The following UXS1 variants were observed in gnomAD, a reference collection of about 807,000 sequenced individuals.
UXS1 encodes the protein UDP-glucuronate decarboxylase 1.
In UXS1, 33 loss-of-function variants were observed where a neutral mutation model predicts 62.6. The observed-to-expected ratio is 0.53, with a 90% confidence interval of 0.40 to 0.70. UXS1 has a LOEUF of 0.70. Ranked by LOEUF, UXS1 falls within the 30% of genes least tolerant of loss-of-function variation. The pLI is 0.00. For synonymous variants in UXS1, 213 were observed against 206.8 expected (o/e 1.03, Z -0.26); for missense variants, 434 against 556.3 (o/e 0.78, Z 2.21).
intron 6 of UXS1, among the ~76,000 whole-genome samples, chr2:106,130,708 G>C (rs1164763541): frequency 6.6e-6 from 1 of 152,182 alleles, no homozygotes; most frequent in Admixed American, 6.5e-5. Flanking sequence ...GCCGGGAATG[G>C]AAGAGCTGAA....
intron 1 of UXS1, among the ~76,000 whole-genome samples, chr2:106,187,078 G>A (rs147944047): frequency 9.5e-4 from 145 of 152,002 alleles, no homozygotes; most frequent in African/African-American, 3.3e-3. Flanking sequence ...TACAAAAAAA[G>A]TAAGAAAAAG....
At chr2:106,180,247 C>T (rs572472344) in intron 1 of UXS1, among the ~76,000 whole-genome samples, 11 of 152,332 alleles carry the variant, frequency 7.2e-5, no homozygotes, top group South Asian at 4.1e-4. Flanking sequence ...CAGTAACCCA[C>T]GGGAAGGTGA....
chr2:106,101,651 A>C (rs924283810), intron 11 of UXS1: 2 of 152,618 alleles, frequency 1.3e-5, no homozygotes, highest in Admixed American at 1.3e-4. Flanking sequence ...GGGTTGAAAT[A>C]AACAGAAACG....
intron 12 of UXS1, among the ~76,000 whole-genome samples, chr2:106,099,284 AAG>A (rs772435813): frequency 1.3e-5 from 2 of 152,138 alleles, no homozygotes; most frequent in Non-Finnish European, 2.9e-5. Flanking sequence ...GCATTTCATG[AAG>A]AGAGAATACT....
At chr2:106,175,921 C>T (rs983629639) in intron 1 of UXS1, among the ~76,000 whole-genome samples, 30 of 152,186 alleles carry the variant, frequency 2.0e-4, no homozygotes, top group African/African-American at 7.2e-4. Flanking sequence ...ATAACCACAA[C>T]CAAAACAGTG....
chr2:106,177,830 T>C (rs556086164), intron 1 of UXS1, among the ~76,000 whole-genome samples: 2 of 152,252 alleles, frequency 1.3e-5, no homozygotes, highest in Non-Finnish European at 2.9e-5. Flanking sequence ...CAGCCTGGGG[T>C]AGGACAGCTC....
rs112121138 is a variant in UXS1 at position 106,181,788 on chromosome 2, C to T, written c.94+12360G>A. On this transcript the variant is annotated intron_variant, in intron 1 of 14. Transcript: ENST00000283148. ...AAAAGTAAATTCAGACTTCTCACCACGACTTTTAGGAGGAACTACTATGAT... is the reference window on the plus strand; with the variant it reads ...AAAAGTAAATTCAGACTTCTCACCATGACTTTTAGGAGGAACTACTATGAT... Among the ~76,000 whole-genome samples, 384 of 152,292 alleles carry T rather than the reference C, an allele frequency of 2.5e-3. 2 individuals are homozygous for T. The highest frequency in any genetic ancestry group is 4.7e-3 in the Non-Finnish European group (318 of 68,028).
Position 106,101,131 on chromosome 2 carries a change from G to C in UXS1, c.924-13C>G. The C allele has an allele frequency of 2.5e-6, 4 of 1,613,794 alleles. No individual in the cohort carries two copies. Among genetic ancestry groups the C allele is most frequent in the Non-Finnish European group, 2.5e-6 (3 of 1,179,808 alleles). ...ATTCACTAGATCGCTGGAAAAAAAG[G>C]GGAGGCAGGTGAGGCTCTGCCTGCT... On this transcript the variant is annotated splice_polypyrimidine_tract_variant and intron_variant, in intron 11 of 14. Coordinates refer to ENST00000283148, the MANE Select transcript of UXS1 (RefSeq NM_001253875.2).
At chr2:106,170,127 G>A (rs551259782) in intron 1 of UXS1, among the ~76,000 whole-genome samples, 16 of 152,086 alleles carry the variant, frequency 1.1e-4, no homozygotes, top group African/African-American at 3.9e-4. Flanking sequence ...AGACCTCCAC[G>A]CTTCGCCACT....
intron 7 of UXS1, among the ~76,000 whole-genome samples, chr2:106,126,583 C>T (rs1353347423): frequency 1.3e-5 from 2 of 152,164 alleles, no homozygotes; most frequent in Non-Finnish European, 2.9e-5. Context: ...TTCTAGCGTG[C>T]AGCAGCCAGG....
chr2:106,153,784 G>A (rs935656503), intron 5 of UXS1, among the ~76,000 whole-genome samples: 1 of 152,162 alleles, frequency 6.6e-6, no homozygotes, highest in African/African-American at 2.4e-5. Context: ...TATTAGGTTG[G>A]TGCAAAAGCA....
At chr2:106,175,859 G>C (rs772313358) in intron 1 of UXS1, among the ~76,000 whole-genome samples, 1 of 152,080 alleles carries the variant, frequency 6.6e-6, no homozygotes, top group Non-Finnish European at 1.5e-5. Context: ...TAAATACAAC[G>C]GTAACTGTTT....
intron 4 of UXS1, among the ~76,000 whole-genome samples, chr2:106,159,813 T>C (rs1009718022): frequency 8.5e-5 from 13 of 152,194 alleles, no homozygotes; most frequent in Non-Finnish European, 5.9e-5. Context: ...AGCAGGGGTT[T>C]CTCATCTCCA....
intron 1 of UXS1, among the ~76,000 whole-genome samples, chr2:106,184,028 C>T (rs1461324682): frequency 6.6e-6 from 1 of 152,024 alleles, no homozygotes; most frequent in Non-Finnish European, 1.5e-5. Context: ...CTCATCTCTA[C>T]TAAAAATACA....
At chr2:106,168,850 TATATAC>T (rs1292522202) in intron 1 of UXS1, among the ~76,000 whole-genome samples, 3 of 152,186 alleles carry the variant, frequency 2.0e-5, no homozygotes, top group African/African-American at 7.2e-5. Flanking sequence ...CGAAAAAGTA[TATATAC>T]AGTGTGACTC....
rs1425514775 is a variant in UXS1 at position 106,173,558 on chromosome 2, A to T, written c.95-7475T>A. On this transcript the variant is annotated intron_variant, in intron 1 of 14. Coordinates refer to ENST00000283148, the MANE Select transcript of UXS1 (RefSeq NM_001253875.2). ...AACAAAGTGAGACTCTGTCTCAAAA[A>T]AAAAATTAAAAACCCACAAAACTCT... 3.3e-5 allele frequency among the ~76,000 whole-genome samples: 5 copies of T among 152,204 alleles called. No homozygotes were observed. The South Asian group carries it at 6.2e-4, about 19-fold the overall frequency.
intron 4 of UXS1, chr2:106,159,967 G>A (rs1682759310): frequency 6.6e-6 from 1 of 152,202 alleles, no homozygotes; most frequent in Non-Finnish European, 1.5e-5. Flanking sequence ...CTGAGGGCAA[G>A]GGTGGGAACC....
At chr2:106,122,424 A>G (rs1679596567) in intron 9 of UXS1, among the ~76,000 whole-genome samples, 1 of 152,356 alleles carries the variant, frequency 6.6e-6, no homozygotes, top group Admixed American at 6.5e-5. Flanking sequence ...GTCACACAGC[A>G]GCACAGCCAG....
Position 106,123,066 on chromosome 2 carries a change from C to T in UXS1, c.663G>A (p.Glu221=). 6.2e-7 allele frequency: 1 copy of T among 1,613,968 alleles called. No homozygotes were observed. The highest frequency in any genetic ancestry group is 1.1e-5 in the South Asian group (1 of 91,078). ...YGDPEVHPQS[E]DYWGHVNPIG... is the part of the protein sequence containing the mutation. ...TTGGATTCACGTGGCCCCAGTAATC[C>T]TCACTTTGAGGGTGGACTTCAGGAT... is the stretch of plus-strand genomic sequence containing the variant. The change falls in exon 9 of 15, where the codon GAG becomes GAA. Residue 221 remains glutamate (E), a synonymous_variant. Transcript: ENST00000283148.
Sources: gnomAD v4.1 joint callset for allele counts (sites outside exome capture counted in the v4.1 genomes callset) on GRCh38, gnomAD v4.1.1 for gene constraint, MANE v1.5 for transcripts, NCBI Gene and HGNC (gene_info 2026-07-23, HGNC 2026-07-21) for gene names.